Variants in CEP63 observed in about 807,000 individuals in gnomAD.
The protein encoded by CEP63 is centrosomal protein of 63 kDa.
Under a neutral mutation model 89.1 loss-of-function variants are expected in CEP63, and 84 were observed. The ratio of observed to expected loss-of-function variants is 0.94; its 90% CI spans 0.79 to 1.13. The LOEUF is 1.13. Ranked by LOEUF, CEP63 falls within the 50% of genes most tolerant of loss-of-function variation. The pLI, the probability that CEP63 is intolerant of heterozygous loss-of-function variation, is 0.00. For missense variants in CEP63, 838 were observed against 813.3 expected, an observed-to-expected ratio of 1.03 and a Z score of -0.37; for synonymous variants, 267 against 272.5, an observed-to-expected ratio of 0.98 and a Z score of 0.20.
At chr3:134,657,612 C>T in the CEP63 span, among the ~76,000 whole-genome samples, 251 of 152,168 alleles carry the variant, frequency 1.6e-3, 1 homozygote, top group Non-Finnish European at 2.1e-3. Flanking sequence ...GCATTGTCTA[C>T]TTTTATAAAT....
At chr3:134,693,697 G>A in the CEP63 span, among the ~76,000 whole-genome samples, 4 of 152,290 alleles carry the variant, frequency 2.6e-5, no homozygotes, top group Admixed American at 2.0e-4. Context: ...GGCTGGCTTC[G>A]GAGGCTACTG....
the CEP63 span, among the ~76,000 whole-genome samples, chr3:134,665,599 C>T: frequency 2.6e-5 from 4 of 151,722 alleles, no homozygotes; most frequent in Non-Finnish European, 2.9e-5. Flanking sequence ...GCCGCCAGCC[C>T]GGAGTCCTCC....
the CEP63 span, among the ~76,000 whole-genome samples, chr3:134,728,522 T>C: frequency 6.6e-6 from 1 of 152,208 alleles, no homozygotes; most frequent in Admixed American, 6.5e-5. Flanking sequence ...TTTGTGCATT[T>C]ATTAAACAGT....
chr3:134,648,447 C>T, the CEP63 span, among the ~76,000 whole-genome samples: 1 of 152,176 alleles, frequency 6.6e-6, no homozygotes, highest in Non-Finnish European at 1.5e-5. Flanking sequence ...TGGGATAAGA[C>T]CTAAGACTTC....
the CEP63 span, among the ~76,000 whole-genome samples, chr3:134,716,482 A>G: frequency 6.6e-6 from 1 of 152,148 alleles, no homozygotes; most frequent in Non-Finnish European, 1.5e-5. Flanking sequence ...GTCAATCTGT[A>G]TATGGTGGAT....
the CEP63 span, among the ~76,000 whole-genome samples, chr3:134,745,169 T>C: frequency 6.6e-6 from 1 of 152,324 alleles, no homozygotes; most frequent in East Asian, 1.9e-4. Flanking sequence ...TAAACTTGGA[T>C]GATCATAGGG....
the CEP63 span, chr3:134,651,230 G>A: frequency 1.6e-6 from 2 of 1,265,222 alleles, no homozygotes; most frequent in East Asian, 4.2e-5. Context: ...CCTGCACCGG[G>A]GCCATAGTCA....
At chr3:134,609,700 G>T in the CEP63 span, among the ~76,000 whole-genome samples, 1 of 152,096 alleles carries the variant, frequency 6.6e-6, no homozygotes, top group Admixed American at 6.6e-5. Flanking sequence ...ACCCTGCACC[G>T]CCAATAGCAC....
the CEP63 span, chr3:134,643,470 G>C: frequency 2.9e-6 from 3 of 1,038,478 alleles, no homozygotes; most frequent in Non-Finnish European, 4.4e-6. Flanking sequence ...GGAAAGGTGG[G>C]CTGGCGGGGG....
chr3:134,487,776 G>C (rs1053189392), intron 1 of CEP63, among the ~76,000 whole-genome samples: 2 of 152,186 alleles, frequency 1.3e-5, no homozygotes, highest in Non-Finnish European at 2.9e-5. Context: ...GTCAGATAAC[G>C]ATTTCTTCAA....
At chr3:134,517,440 T>A (rs1283547258) in intron 3 of CEP63, among the ~76,000 whole-genome samples, 1 of 152,204 alleles carries the variant, frequency 6.6e-6, no homozygotes, top group East Asian at 1.9e-4. Context: ...AACATAAGAA[T>A]ATAGATTTTA....
chr3:134,526,702 T>TG (rs1444487056), intron 3 of CEP63, among the ~76,000 whole-genome samples: 1 of 152,230 alleles, frequency 6.6e-6, no homozygotes, highest in Non-Finnish European at 1.5e-5. Context: ...TTGGAGTTCT[T>TG]GCACTATTTC....
chr3:134,727,291 T>C, the CEP63 span, among the ~76,000 whole-genome samples: 1 of 152,208 alleles, frequency 6.6e-6, no homozygotes, highest in South Asian at 2.1e-4. Context: ...TTAATGAAGA[T>C]GAATTAAGAT....
At chr3:134,491,104 A>T (rs1267528030) in intron 1 of CEP63, among the ~76,000 whole-genome samples, 4 of 152,210 alleles carry the variant, frequency 2.6e-5, no homozygotes, top group Non-Finnish European at 5.9e-5. Context: ...GCGTTGTTGG[A>T]TAAAAGGGTA....
chr3:134,650,315 G>A, the CEP63 span, among the ~76,000 whole-genome samples: 1 of 152,158 alleles, frequency 6.6e-6, no homozygotes, highest in African/African-American at 2.4e-5. Flanking sequence ...ATCTATAGGA[G>A]GCTGGGAGAA....
chr3:134,731,735 A>G, the CEP63 span, among the ~76,000 whole-genome samples: 1 of 152,306 alleles, frequency 6.6e-6, no homozygotes, highest in South Asian at 2.1e-4. Flanking sequence ...AACAAGCACC[A>G]CGTTCCAACA....
chr3:134,593,676 A>G, the CEP63 span, among the ~76,000 whole-genome samples: 2 of 152,228 alleles, frequency 1.3e-5, no homozygotes, highest in Non-Finnish European at 2.9e-5. Flanking sequence ...TCACACATTA[A>G]TGGCTCCTGA....
chr3:134,510,579 C>T, intron 3 of CEP63: 1 of 575,308 alleles, frequency 1.7e-6, no homozygotes, highest in Non-Finnish European at 3.1e-6. Flanking sequence ...ACATTTGGGG[C>T]ACAACTTACT....
At chr3:134,778,356 C>T in the CEP63 span, among the ~76,000 whole-genome samples, 1 of 152,058 alleles carries the variant, frequency 6.6e-6, no homozygotes. Flanking sequence ...CTCGCCCTCC[C>T]AAAGTGCTTG....
Sources: gnomAD v4.1 joint callset for allele counts (sites outside exome capture counted in the v4.1 genomes callset) on GRCh38, gnomAD v4.1.1 for gene constraint, MANE v1.5 for transcripts, NCBI Gene and HGNC (gene_info 2026-07-23, HGNC 2026-07-21) for gene names.